Variants in TIAM2 observed in about 807,000 individuals in gnomAD.
The protein encoded by TIAM2 is TIAM Rac1 associated GEF 2.
TIAM2 carries 80 observed loss-of-function variants against 152.9 expected under a neutral mutation model. The observed-to-expected ratio is 0.52, with a 90% confidence interval of 0.44 to 0.63. The LOEUF is 0.63. TIAM2 is among the 30% of genes least tolerant of loss of function. The probability of loss-of-function intolerance (pLI) is 0.00; values close to 1 mark genes in which losing one functional copy is unlikely to be tolerated. For missense variants in TIAM2, 1,965 were observed against 2,120.1 expected, an observed-to-expected ratio of 0.93 and a Z score of 1.44; for synonymous variants, 804 against 838.0, an observed-to-expected ratio of 0.96 and a Z score of 0.70.
chr6:155,213,033 C>G lies in TIAM2; in HGVS notation c.3168+1726C>G, dbSNP rs1382396578. 6.6e-6 allele frequency among the ~76,000 whole-genome samples: 1 copy of G among 152,196 alleles called. No homozygotes were observed. The highest frequency in any genetic ancestry group is 2.4e-5 in the African/African-American group (1 of 41,450). On this transcript the variant is annotated intron_variant, in intron 15 of 26. Transcript: ENST00000682666. This position sits in a 1 kb window ranked among gnomAD's most constrained non-coding sequence, Gnocchi z 4.2. ...CAAAGAGGGTGGCATAGCCCTGGTT[C>G]TGGGAACTCCTAGGTCTGGGCTCCC...
At chr6:155,066,798 C>T (rs1777702955) in intron 1 of TIAM2, among the ~76,000 whole-genome samples, 1 of 152,084 alleles carries the variant, frequency 6.6e-6, no homozygotes. Context: ...CTCTGTCGCC[C>T]AGGCTGGAGT....
At position 155,116,680 on chromosome 6, in the gene TIAM2, T is replaced by C. The variant is rs1275112060; in HGVS notation, c.-117-10810T>C. Reference sequence around the variant, plus strand: ...TTTACATCCATGCAGGTTTCCATAGTCAGCAAGAAGCTGTGTGGTTGCAGT... The same window carrying C: ...TTTACATCCATGCAGGTTTCCATAGCCAGCAAGAAGCTGTGTGGTTGCAGT... On this transcript the variant is annotated intron_variant, in intron 2 of 26. Transcript: ENST00000682666. 1.3e-5 allele frequency among the ~76,000 whole-genome samples: 2 copies of C among 152,174 alleles called. 1 individual carries two copies. The highest frequency in any genetic ancestry group is 4.8e-5 in the African/African-American group (2 of 41,436).
chr6:155,239,478 A>T (rs1782926029), intron 15 of TIAM2, among the ~76,000 whole-genome samples: 1 of 152,174 alleles, frequency 6.6e-6, no homozygotes, highest in South Asian at 2.1e-4. Flanking sequence ...AAAGAATGAG[A>T]AGTAAAAGGA....
At chr6:155,079,251 T>C (rs1583179816) in intron 1 of TIAM2, among the ~76,000 whole-genome samples, 1 of 152,016 alleles carries the variant, frequency 6.6e-6, no homozygotes, top group African/African-American at 2.4e-5. Context: ...TACTAGAGAC[T>C]GGGTTTCACC....
intron 1 of TIAM2, among the ~76,000 whole-genome samples, chr6:155,027,306 A>G (rs1052597614): frequency 5.3e-5 from 8 of 149,588 alleles, no homozygotes; most frequent in Non-Finnish European, 1.2e-4. Context: ...GATTACAGGC[A>G]TGAGCCATCG....
chr6:155,116,206 A>C (rs914955012), intron 2 of TIAM2, among the ~76,000 whole-genome samples: 10 of 152,242 alleles, frequency 6.6e-5, no homozygotes, highest in African/African-American at 2.4e-4. Flanking sequence ...TTTAAACTAT[A>C]CCAACTAGTA....
At chr6:155,231,240 A>G (rs1205077652) in intron 15 of TIAM2, among the ~76,000 whole-genome samples, 1 of 152,152 alleles carries the variant, frequency 6.6e-6, no homozygotes, top group East Asian at 1.9e-4. Flanking sequence ...GCTCCTCTTC[A>G]TACTGCAATT....
chr6:155,220,882 C>G (rs78166582), intron 15 of TIAM2, among the ~76,000 whole-genome samples: 1 of 152,020 alleles, frequency 6.6e-6, no homozygotes, highest in African/African-American at 2.4e-5. Flanking sequence ...CATCATCTAC[C>G]TTAGGTATTT....
In TIAM2 at chr6:155,250,907, A is replaced by G; in HGVS notation, c.3952-6A>G. 6.2e-7 allele frequency: 1 copy of G among 1,613,954 alleles called. No homozygotes were observed. Among genetic ancestry groups the G allele is most frequent in the East Asian group, 2.2e-5 (1 of 44,880 alleles). ...ATCTTCCTTACCTCCTGTTTTTACA[A>G]TCTAGGTAACAGAACTTTCGATGGG... On this transcript the variant is annotated splice_region_variant and splice_polypyrimidine_tract_variant and intron_variant, in intron 21 of 26. Transcript: ENST00000682666.
intron 4 of TIAM2, among the ~76,000 whole-genome samples, chr6:155,134,481 T>G (rs1779514455): frequency 7.1e-6 from 1 of 141,106 alleles, no homozygotes; most frequent in Non-Finnish European, 1.5e-5. Flanking sequence ...TGAGAAGCAG[T>G]GTCAAGAGTG....
chr6:155,029,482 A>AG (rs1776763026), intron 1 of TIAM2, among the ~76,000 whole-genome samples: 2 of 1,114 alleles, frequency 1.8e-3, no homozygotes, highest in East Asian at 6.7e-3. Flanking sequence ...TATAGTATAT[A>AG]TACTATAGTA....
chr6:155,106,348 A>G (rs916975155), intron 2 of TIAM2, among the ~76,000 whole-genome samples: 2 of 152,138 alleles, frequency 1.3e-5, no homozygotes, highest in African/African-American at 4.8e-5. Flanking sequence ...ATCAAAGGAT[A>G]TAGCAAGACC....
intron 1 of TIAM2, among the ~76,000 whole-genome samples, chr6:155,073,410 G>T (rs1004033821): frequency 6.6e-6 from 1 of 151,966 alleles, no homozygotes; most frequent in Non-Finnish European, 1.5e-5. Flanking sequence ...TGATCCACCC[G>T]CCTCGGCCTC....
intron 14 of TIAM2, among the ~76,000 whole-genome samples, chr6:155,187,877 C>T (rs1000702252): frequency 2.3e-4 from 35 of 152,040 alleles, no homozygotes; most frequent in African/African-American, 7.7e-4. Flanking sequence ...TGTGCTCGGC[C>T]GCAAGCCCCA....
intron 2 of TIAM2, among the ~76,000 whole-genome samples, chr6:155,116,033 G>T (rs915029730): frequency 6.6e-6 from 1 of 152,130 alleles, no homozygotes; most frequent in Non-Finnish European, 1.5e-5. Context: ...AACCTGGCAG[G>T]CAGAGGTTGC....
At chr6:155,114,309 C>T (rs1431648182) in intron 2 of TIAM2, among the ~76,000 whole-genome samples, 1 of 151,810 alleles carries the variant, frequency 6.6e-6, no homozygotes, top group Non-Finnish European at 1.5e-5. Context: ...CCTGCCTCAG[C>T]CTCCCAAAGT....
chr6:155,248,329 C>T, intron 20 of TIAM2, 150 bp downstream of exon 20: 2 of 931,546 alleles, frequency 2.1e-6, no homozygotes, highest in Non-Finnish European at 3.1e-6. Context: ...TCTTAGGTTT[C>T]ACGTGAATAT....
intron 2 of TIAM2, among the ~76,000 whole-genome samples, chr6:155,118,291 A>G (rs759750259): frequency 1.1e-4 from 16 of 151,782 alleles, no homozygotes; most frequent in Non-Finnish European, 2.2e-4. Flanking sequence ...GTCTTTCTCC[A>G]TGTATTCTCT....
chr6:155,107,889 G>T (rs1055682764), intron 2 of TIAM2, among the ~76,000 whole-genome samples: 1 of 152,168 alleles, frequency 6.6e-6, no homozygotes, highest in African/African-American at 2.4e-5. Context: ...AGGGGCCGAG[G>T]AGCCCTGGCT....
Sources: allele counts gnomAD v4.1 joint callset (sites outside exome capture counted in the v4.1 genomes callset), GRCh38; gene constraint gnomAD v4.1.1; non-coding constraint Gnocchi (gnomAD v3.1); transcripts MANE v1.5; gene names NCBI Gene and HGNC (gene_info 2026-07-23, HGNC 2026-07-21).